Variants in TCF20 observed in about 807,000 individuals in gnomAD.
The protein encoded by TCF20 is transcription factor 20.
TCF20 carries 3 observed loss-of-function variants against 148.6 expected under a neutral mutation model. The observed-to-expected ratio is 0.02, with a 90% CI of 0.01 to 0.05. The LOEUF (loss-of-function observed/expected upper bound fraction) is 0.05, where lower values mean the gene tolerates loss of function less well. Ranked by LOEUF, TCF20 falls within the 10% of genes least tolerant of loss-of-function variation. The pLI, the probability that TCF20 is intolerant of heterozygous loss-of-function variation, is 1.00. For synonymous variants in TCF20, 1,049 were observed against 909.5 expected (o/e 1.15, Z -2.76); for missense variants, 2,350 against 2,429.3 (o/e 0.97, Z 0.69).
At chr22:42,287,147 A>C (rs1304467320), upstream of TCF20, among the ~76,000 whole-genome samples, 2 of 152,158 alleles carry the variant, frequency 1.3e-5, no homozygotes. Context: ...CCAAGGCGAC[A>C]ACTCCCAGGC....
At chr22:42,242,202 CAAAAAAAA>C (rs151190006) in intron 1 of TCF20, among the ~76,000 whole-genome samples, 11 of 59,814 alleles carry the variant, frequency 1.8e-4, no homozygotes, top group African/African-American at 4.5e-4. Context: ...GACTTCGCCT[CAAAAAAAA>C]AAAAAAAAAA....
intron 2 of TCF20, among the ~76,000 whole-genome samples, chr22:42,189,129 A>C (rs1038379343): frequency 1.3e-5 from 2 of 152,176 alleles, no homozygotes; most frequent in African/African-American, 4.8e-5. Context: ...CAGGGCCAAC[A>C]ATGGCTGTTG....
chr22:42,164,208 CTTTCTTTTTTTTTT>C (rs1363341283), intron 5 of TCF20, among the ~76,000 whole-genome samples: 2 of 118,560 alleles, frequency 1.7e-5, no homozygotes, highest in African/African-American at 3.3e-5. Context: ...GCACTCATTT[CTTTCTTTTTTTTTT>C]TTTTTTTTTT....
intron 1 of TCF20, among the ~76,000 whole-genome samples, chr22:42,219,543 T>C (rs1050908242): frequency 1.3e-5 from 2 of 151,638 alleles, no homozygotes; most frequent in African/African-American, 4.8e-5. Flanking sequence ...ATAAGTCACC[T>C]AAGGAACTTG....
At chr22:42,189,590 A>G (rs1228737024) in intron 2 of TCF20, among the ~76,000 whole-genome samples, 1 of 152,194 alleles carries the variant, frequency 6.6e-6, no homozygotes, top group African/African-American at 2.4e-5. Context: ...GTTGTCTTAG[A>G]GTTATGATTC....
intron 1 of TCF20, among the ~76,000 whole-genome samples, chr22:42,217,848 G>C (rs1024554940): frequency 4.6e-5 from 7 of 152,208 alleles, no homozygotes; most frequent in Non-Finnish European, 8.8e-5. Flanking sequence ...AAGATGGCCA[G>C]TAACCCCAAA....
Position 42,161,289 on chromosome 22 carries a change from G to A in TCF20, c.*114C>T, listed in dbSNP as rs1350896393. 4.3e-6 allele frequency: 7 copies of A among 1,612,302 alleles called. No individual in the cohort carries two copies. The highest frequency in any genetic ancestry group is 1.7e-4 in the Middle Eastern group (1 of 6,060). On this transcript the variant is annotated 3_prime_UTR_variant, in exon 6 of 6. Transcript: ENST00000677622. ...GGGGCGGGGCGGGGCAGGGCAGGGT[G>A]TGGCTGCACGGTAGGACGATTTCCA... is the stretch of plus-strand genomic sequence containing the variant.
intron 1 of TCF20, among the ~76,000 whole-genome samples, chr22:42,231,266 T>C (rs1212396094): frequency 6.6e-6 from 1 of 152,162 alleles, no homozygotes; most frequent in Admixed American, 6.5e-5. Context: ...AAGGATTGCT[T>C]GATGCCAGGA....
rs1232915354 is a variant in TCF20, at chr22:42,342,952, A to G, written c.-37+527T>C. Reference sequence around the variant, plus strand: ...CTAGTCAGGAGGGAACCAGGGTCCAACTGACCCCAAAGCACACACTCTTAA... The same window carrying G: ...CTAGTCAGGAGGGAACCAGGGTCCAGCTGACCCCAAAGCACACACTCTTAA... On this transcript the variant is annotated intron_variant, in intron 1 of 1. Transcript: ENST00000515426. Among the ~76,000 whole-genome samples the G allele has an allele frequency of 5.3e-5, 8 of 152,226 alleles. No homozygotes were observed. The East Asian group carries it at 1.5e-3, about 29-fold the overall frequency.
At chr22:42,251,908 A>C (rs996598515) in intron 1 of TCF20, among the ~76,000 whole-genome samples, 2 of 151,990 alleles carry the variant, frequency 1.3e-5, no homozygotes, top group African/African-American at 4.8e-5. Flanking sequence ...TGGCATCAAG[A>C]ACTGTGTCTT....
At chr22:42,181,912 A>G (rs1021448075) in intron 2 of TCF20, among the ~76,000 whole-genome samples, 7 of 151,984 alleles carry the variant, frequency 4.6e-5, no homozygotes, top group African/African-American at 1.7e-4. Flanking sequence ...CACCCTCTCA[A>G]AAAGAGACAA....
chr22:42,256,517 T>C (rs908379990), intron 1 of TCF20, among the ~76,000 whole-genome samples: 2 of 151,994 alleles, frequency 1.3e-5, no homozygotes, highest in African/African-American at 2.4e-5. Flanking sequence ...TTATGCAGGC[T>C]GTGATGTCCT....
chr22:42,293,507 G>A lies in TCF20; in HGVS notation c.-37+49972C>T, dbSNP rs566633485. ...CCACAAATGAGAGTCTGAGGACAGC[G>A]GGGTGAGGGGGCTCAGCCAAGGTCA... On this transcript the variant is annotated intron_variant, in intron 1 of 1. Coordinates refer to the TCF20 transcript ENST00000515426. 5.9e-5 allele frequency among the ~76,000 whole-genome samples: 9 copies of A among 152,336 alleles called. No individual in the cohort carries two copies. The East Asian group carries it at 9.6e-4, about 16-fold the overall frequency.
At chr22:42,336,452 G>C (rs1218917813) in intron 1 of TCF20, among the ~76,000 whole-genome samples, 1 of 151,890 alleles carries the variant, frequency 6.6e-6, no homozygotes, top group Non-Finnish European at 1.5e-5. Flanking sequence ...ATGCATCCCA[G>C]GCATCCTATC....
chr22:42,176,947 C>A (rs1433314305), intron 3 of TCF20, among the ~76,000 whole-genome samples: 1 of 152,100 alleles, frequency 6.6e-6, no homozygotes, highest in Non-Finnish European at 1.5e-5. Context: ...TGTAGGATAA[C>A]CACAGTTAAC....
chr22:42,208,062 T>A (rs1160470676), intron 2 of TCF20, among the ~76,000 whole-genome samples: 1 of 152,056 alleles, frequency 6.6e-6, no homozygotes, highest in South Asian at 2.1e-4. Context: ...TGTACTGGCA[T>A]GCACCTGTGG....
At chr22:42,334,602 C>T (rs1039247793) in intron 1 of TCF20, among the ~76,000 whole-genome samples, 4 of 152,282 alleles carry the variant, frequency 2.6e-5, no homozygotes, top group Non-Finnish European at 4.4e-5. Context: ...CCCTTACACA[C>T]TCGGCACATG....
At chr22:42,301,320 C>A (rs997820495) in intron 1 of TCF20, among the ~76,000 whole-genome samples, 1 of 152,164 alleles carries the variant, frequency 6.6e-6, no homozygotes, top group Non-Finnish European at 1.5e-5. Flanking sequence ...CTCTGTGCCA[C>A]GCCCCAGGGA....
At chr22:42,196,177 C>A (rs1320597667) in intron 2 of TCF20, among the ~76,000 whole-genome samples, 1 of 152,218 alleles carries the variant, frequency 6.6e-6, no homozygotes, top group African/African-American at 2.4e-5. Context: ...GGCACTCAGA[C>A]CTGCCACTAT....
Sources: allele counts gnomAD v4.1 joint callset (sites outside exome capture counted in the v4.1 genomes callset), GRCh38; gene constraint gnomAD v4.1.1; transcripts MANE v1.5; gene names NCBI Gene and HGNC (gene_info 2026-07-23, HGNC 2026-07-21).